The following ZSCAN25 variants were observed in gnomAD, a reference collection of about 807,000 sequenced individuals.
The protein encoded by ZSCAN25 is zinc finger and SCAN domain containing 25, also known as zinc finger and SCAN domain-containing protein 25.
A neutral mutation model predicts 38.7 loss-of-function variants in ZSCAN25; 27 were observed. The ratio of observed to expected loss-of-function variants is 0.70; its 90% confidence interval spans 0.51 to 0.96. The LOEUF (loss-of-function observed/expected upper bound fraction) is 0.96, where lower values mean the gene tolerates loss of function less well. Among genes scored for constraint, ZSCAN25 ranks in the 40% least tolerant of loss-of-function variants. ZSCAN25 has a pLI of 0.00. For missense variants in ZSCAN25, 637 were observed against 705.9 expected, an observed-to-expected ratio of 0.90 and a Z score of 1.11; for synonymous variants, 273 against 277.7, an observed-to-expected ratio of 0.98 and a Z score of 0.17.
At chr7:99,731,549 A>G in the ZSCAN25 span, among the ~76,000 whole-genome samples, 80 of 151,960 alleles carry the variant, frequency 5.3e-4, no homozygotes, top group Admixed American at 6.6e-5. Flanking sequence ...AAGAGTGACA[A>G]TTTTTCTTTT....
chr7:99,629,815 G>A lies in ZSCAN25; in HGVS notation c.1430G>A (p.Arg477Gln), dbSNP rs755529482. 2.0e-5 allele frequency: 32 copies of A among 1,614,190 alleles called. No homozygotes were observed. The Middle Eastern group carries it at 1.6e-3, about 83-fold the overall frequency. ...FSRNANLAVH[R>Q]RAHTGEKPYG... ...AGGAATGCCAATCTGGCGGTGCACCGGCGTGCCCACACTGGCGAGAAGCCA... is the reference window on the plus strand; with the variant it reads ...AGGAATGCCAATCTGGCGGTGCACCAGCGTGCCCACACTGGCGAGAAGCCA... The change falls in exon 8 of 8, where the codon CGG becomes CAG. Residue 477 changes from arginine (R) to glutamine (Q), a missense_variant. Coordinates refer to ENST00000394152, the MANE Select transcript of ZSCAN25 (RefSeq NM_145115.3). The surrounding 1 kb of genome is among the most constrained non-coding windows in gnomAD (Gnocchi z 5.6).
the ZSCAN25 span, among the ~76,000 whole-genome samples, chr7:99,736,441 G>T: frequency 1.0e-3 from 152 of 152,340 alleles, 3 homozygotes; most frequent in Admixed American, 5.4e-3. Context: ...AGCTGGTAGA[G>T]ATGAGGCCTG....
chr7:99,677,000 C>T, the ZSCAN25 span, among the ~76,000 whole-genome samples: 12 of 152,190 alleles, frequency 7.9e-5, no homozygotes, highest in African/African-American at 2.9e-4. Flanking sequence ...TCAGGTCATA[C>T]TCACCTGAGA....
chr7:99,708,951 C>T, the ZSCAN25 span: 8 of 1,454,818 alleles, frequency 5.5e-6, no homozygotes, highest in East Asian at 1.4e-4. Flanking sequence ...AACGATTGTA[C>T]AAGCCCAGAC....
intron 6 of ZSCAN25, 102 bp downstream of exon 6, chr7:99,622,742 G>GT: frequency 9.1e-7 from 1 of 1,100,682 alleles, no homozygotes; most frequent in Non-Finnish European, 1.3e-6. Flanking sequence ...CCCGCCCCAA[G>GT]TTGAGTCATT....
chr7:99,690,437 T>C, the ZSCAN25 span, among the ~76,000 whole-genome samples: 1 of 152,066 alleles, frequency 6.6e-6, no homozygotes, highest in Non-Finnish European at 1.5e-5. Flanking sequence ...AAAGCCAAAA[T>C]TGACAAATGG....
At chr7:99,718,377 G>T in the ZSCAN25 span, among the ~76,000 whole-genome samples, 1 of 152,080 alleles carries the variant, frequency 6.6e-6, no homozygotes, top group Non-Finnish European at 1.5e-5. Context: ...TAGAAAAAAA[G>T]AAGAAAGAGA....
At chr7:99,685,282 A>C in the ZSCAN25 span, 1 of 1,610,406 alleles carries the variant, frequency 6.2e-7, no homozygotes. Flanking sequence ...ATAAAGCAAA[A>C]TTAGAAACTG....
At chr7:99,638,530 C>G in the ZSCAN25 span, 1 of 1,512,472 alleles carries the variant, frequency 6.6e-7, no homozygotes, top group South Asian at 1.1e-5. Flanking sequence ...CCTTGGGTCC[C>G]AGTGTAGTTA....
At chr7:99,718,256 A>T in the ZSCAN25 span, among the ~76,000 whole-genome samples, 21 of 152,272 alleles carry the variant, frequency 1.4e-4, no homozygotes, top group African/African-American at 4.8e-4. Flanking sequence ...CATGTACCCT[A>T]AAAAAAGTAT....
the ZSCAN25 span, among the ~76,000 whole-genome samples, chr7:99,638,081 A>T: frequency 6.6e-6 from 1 of 152,198 alleles, no homozygotes; most frequent in Non-Finnish European, 1.5e-5. Flanking sequence ...AGAACGGGAA[A>T]CAGAAGACCC....
the ZSCAN25 span, among the ~76,000 whole-genome samples, chr7:99,684,169 A>ATTT: frequency 7.3e-6 from 1 of 137,082 alleles, no homozygotes; most frequent in Non-Finnish European, 1.6e-5. Flanking sequence ...AAAAGGCATA[A>ATTT]TTTTTTTTTT....
the ZSCAN25 span, chr7:99,717,609 C>A: frequency 3.7e-6 from 6 of 1,613,558 alleles, no homozygotes; most frequent in African/African-American, 8.0e-5. Context: ...ATAGAGATGG[C>A]ATTTTTCATA....
At chr7:99,676,119 C>T in the ZSCAN25 span, 56 of 1,613,358 alleles carry the variant, frequency 3.5e-5, no homozygotes, top group Admixed American at 1.2e-4. Flanking sequence ...ACTCACCTGA[C>T]GATAGGACAA....
downstream of ZSCAN25, among the ~76,000 whole-genome samples, chr7:99,633,251 C>T (rs559226065): frequency 4.6e-5 from 7 of 152,302 alleles, no homozygotes; most frequent in South Asian, 2.1e-4. Flanking sequence ...GTGGTGTAAT[C>T]AGATTCATAT....
chr7:99,696,575 G>A, the ZSCAN25 span, among the ~76,000 whole-genome samples: 2 of 152,100 alleles, frequency 1.3e-5, no homozygotes, highest in South Asian at 2.1e-4. Context: ...CTATTGGGGA[G>A]GATGATTAAC....
At chr7:99,710,197 G>C in the ZSCAN25 span, among the ~76,000 whole-genome samples, 22 of 152,322 alleles carry the variant, frequency 1.4e-4, no homozygotes, top group African/African-American at 5.3e-4. Context: ...TAGGCACCTA[G>C]TACTTAGTGT....
chr7:99,619,500 C>T (rs1238894478), intron 3 of ZSCAN25, 61 bp from the exon 4 acceptor site: 2 of 1,303,610 alleles, frequency 1.5e-6, no homozygotes, highest in African/African-American at 1.5e-5. Context: ...GTGGAATATT[C>T]CTTGATGTAG....
At chr7:99,664,020 A>T in the ZSCAN25 span, 317 of 1,599,356 alleles carry the variant, frequency 2.0e-4, 2 homozygotes, top group South Asian at 5.0e-4. Context: ...AGATTTACTT[A>T]AAAAATTTAT....
Sources: gnomAD v4.1 joint callset for allele counts (sites outside exome capture counted in the v4.1 genomes callset) on GRCh38, gnomAD v4.1.1 for gene constraint, Gnocchi (gnomAD v3.1) non-coding constraint, MANE v1.5 for transcripts, NCBI Gene and HGNC (gene_info 2026-07-23, HGNC 2026-07-21) for gene names.